RASGRF1: variants seen among roughly 807,000 people sequenced by gnomAD.
RASGRF1 encodes Ras protein specific guanine nucleotide releasing factor 1, also known as ras-specific guanine nucleotide-releasing factor 1.
In RASGRF1, 40 loss-of-function variants were observed where a neutral mutation model predicts 138.7. The ratio of observed to expected loss-of-function variants is 0.29; its 90% CI spans 0.22 to 0.38. The LOEUF (loss-of-function observed/expected upper bound fraction) is 0.38. Among genes scored for constraint, RASGRF1 ranks in the 10% least tolerant of loss-of-function variants. The pLI is 1.00. For missense variants in RASGRF1, 1,108 were observed against 1,650.4 expected, an observed-to-expected ratio of 0.67 and a Z score of 5.69; for synonymous variants, 614 against 663.2, an observed-to-expected ratio of 0.93 and a Z score of 1.14.
chr15:79,083,943 GA>G (rs2057946844), intron 1 of RASGRF1, among the ~76,000 whole-genome samples: 2 of 152,308 alleles, frequency 1.3e-5, no homozygotes, highest in South Asian at 4.1e-4. Context: ...CTGGCGTTTT[GA>G]AACATCCTGC....
chr15:79,003,592 TC>T (rs969754705), intron 15 of RASGRF1, among the ~76,000 whole-genome samples: 3 of 152,072 alleles, frequency 2.0e-5, no homozygotes, highest in South Asian at 2.1e-4. Context: ...TCTGCCTGCC[TC>T]CCCCCGCAGC....
chr15:78,964,216 C>T (rs2055600671), intron 26 of RASGRF1, among the ~76,000 whole-genome samples: 1 of 151,816 alleles, frequency 6.6e-6, no homozygotes, highest in Non-Finnish European at 1.5e-5. Flanking sequence ...TTCTTGTCAC[C>T]CAGGCTGGAG....
At chr15:78,988,116 A>G (rs1460100097) in intron 22 of RASGRF1, among the ~76,000 whole-genome samples, 1 of 152,236 alleles carries the variant, frequency 6.6e-6, no homozygotes, top group African/African-American at 2.4e-5. Context: ...CAGCTTCTGA[A>G]GTAGACCGTG....
chr15:79,058,632 C>G, intron 2 of RASGRF1, 151 bp from the exon 3 acceptor site: 1 of 1,083,700 alleles, frequency 9.2e-7, no homozygotes, highest in East Asian at 2.6e-5. Flanking sequence ...GAGGGCTTGG[C>G]AGGGTAGAGG....
intron 2 of RASGRF1, among the ~76,000 whole-genome samples, chr15:79,062,874 T>C (rs11072825): frequency 0.36 from 54,081 of 151,772 alleles, 10,323 homozygotes; most frequent in East Asian, 0.7. Context: ...ACCCAAACTT[T>C]GCCTCTTCAT....
chr15:78,991,869 G>T, intron 20 of RASGRF1, 75 bp from the exon 21 acceptor site: 1 of 1,227,220 alleles, frequency 8.1e-7, no homozygotes, highest in Non-Finnish European at 1.2e-6. Context: ...AGCTGCCTCT[G>T]TGGGGGTATC....
At chr15:79,068,733 T>C (rs2141072593) in intron 1 of RASGRF1, among the ~76,000 whole-genome samples, 1 of 152,232 alleles carries the variant, frequency 6.6e-6, no homozygotes, top group Non-Finnish European at 1.5e-5. Flanking sequence ...TGGATAGGCC[T>C]TGGGTTGTTC....
chr15:79,003,057 C>A (rs949595762), intron 15 of RASGRF1, among the ~76,000 whole-genome samples: 2 of 152,210 alleles, frequency 1.3e-5, no homozygotes, highest in African/African-American at 4.8e-5. Flanking sequence ...TCAGGAGAAA[C>A]CCTGAGAGTA....
chr15:78,981,500 G>C (rs772894613), intron 23 of RASGRF1: 4 of 152,168 alleles, frequency 2.6e-5, no homozygotes, highest in African/African-American at 9.7e-5. Flanking sequence ...GGAGCACAGC[G>C]GTACGTCACG....
rs76921979 is a variant in RASGRF1 at position 79,050,963 on chromosome 15, G to A, written c.532-1375C>T. Among the ~76,000 whole-genome samples the A allele has an allele frequency of 1.6e-3, 249 of 152,308 alleles. 1 individual carries two copies. Among genetic ancestry groups the A allele is most frequent in the African/African-American group, 5.6e-3 (234 of 41,556 alleles). On this transcript the variant is annotated intron_variant, in intron 3 of 26. Coordinates refer to ENST00000558480, the MANE Select transcript of RASGRF1 (RefSeq NM_001145648.3). The surrounding 1 kb of genome is among the most constrained non-coding windows in gnomAD (Gnocchi z 4.1). ...ATTTATTGTGCTCCTGGTGCCTAGC[G>A]CAAGGTTGGGCACTCAACACATTCT... is the stretch of plus-strand genomic sequence containing the variant.
intron 15 of RASGRF1, among the ~76,000 whole-genome samples, chr15:79,002,566 C>T (rs1325987495): frequency 6.6e-6 from 1 of 152,200 alleles, no homozygotes; most frequent in Non-Finnish European, 1.5e-5. Flanking sequence ...CACATATACA[C>T]ACACACACAG....
At chr15:79,031,589 A>T in intron 7 of RASGRF1, 80 bp from the exon 8 acceptor site, 1 of 513,350 alleles carries the variant, frequency 1.9e-6, no homozygotes, top group South Asian at 1.9e-5. Context: ...GCAGACAGGG[A>T]GTGAGCAAGA....
chr15:79,067,851 A>G (rs751912502), intron 1 of RASGRF1, among the ~76,000 whole-genome samples: 7 of 152,156 alleles, frequency 4.6e-5, no homozygotes, highest in Admixed American at 6.5e-5. Context: ...AGACACAGAG[A>G]CAGAGTATAA....
At chr15:78,972,448 T>G (rs79940295) in intron 25 of RASGRF1, among the ~76,000 whole-genome samples, 1 of 151,608 alleles carries the variant, frequency 6.6e-6, no homozygotes, top group African/African-American at 2.4e-5. Context: ...CCAAGACTTG[T>G]CAAGACTCTA....
chr15:78,965,081 C>T (rs999469059), intron 26 of RASGRF1, among the ~76,000 whole-genome samples: 10 of 152,122 alleles, frequency 6.6e-5, no homozygotes, highest in African/African-American at 2.4e-4. Flanking sequence ...TTCTAGAATA[C>T]AGCCTTTTGC....
chr15:79,049,628 CT>C, intron 3 of RASGRF1, 40 bp from the exon 4 acceptor site: 2 of 1,564,212 alleles, frequency 1.3e-6, no homozygotes, highest in Non-Finnish European at 1.7e-6. Context: ...GGGGCGCTGG[CT>C]CACAGAGGCC....
intron 24 of RASGRF1, among the ~76,000 whole-genome samples, chr15:78,975,716 TG>T (rs1380577623): frequency 6.6e-6 from 1 of 152,052 alleles, no homozygotes; most frequent in Non-Finnish European, 1.5e-5. Flanking sequence ...TTTGTATTTT[TG>T]CCATGTTGCC....
chr15:79,017,588 G>A (rs946878110), intron 12 of RASGRF1, among the ~76,000 whole-genome samples, 182 bp downstream of exon 12: 5 of 152,170 alleles, frequency 3.3e-5, no homozygotes, highest in African/African-American at 9.7e-5. Context: ...GACTACAAAC[G>A]GGATGGACTA....
At chr15:79,024,943 A>C (rs1214677609) in intron 10 of RASGRF1, among the ~76,000 whole-genome samples, 1 of 151,944 alleles carries the variant, frequency 6.6e-6, no homozygotes, top group Non-Finnish European at 1.5e-5. Context: ...CCACATATAC[A>C]AACACACAGA....
Sources: gnomAD v4.1 joint callset for allele counts (sites outside exome capture counted in the v4.1 genomes callset) on GRCh38, gnomAD v4.1.1 for gene constraint, Gnocchi (gnomAD v3.1) non-coding constraint, MANE v1.5 for transcripts, NCBI Gene and HGNC (gene_info 2026-07-23, HGNC 2026-07-21) for gene names.